Variants in CSK observed in about 807,000 individuals in gnomAD.
CSK encodes the protein C-terminal Src kinase, also known as tyrosine-protein kinase CSK.
In CSK, 7 loss-of-function variants were observed where a neutral mutation model predicts 62.3. The ratio of observed to expected loss-of-function variants is 0.11; its 90% CI spans 0.06 to 0.21. The LOEUF is 0.21. CSK is among the 10% of genes least tolerant of loss of function. The probability of loss-of-function intolerance (pLI) is 1.00; values close to 1 mark genes in which losing one functional copy is unlikely to be tolerated. For missense variants in CSK, 294 were observed against 613.5 expected, an observed-to-expected ratio of 0.48 and a Z score of 5.50; for synonymous variants, 237 against 246.0, an observed-to-expected ratio of 0.96 and a Z score of 0.34.
rs1232728038 is a variant in CSK, at chr15:74,786,000, C to CTTTTTTTTTTTTTTTT, written c.-66+3281_-66+3282insTTTTTTTTTTTTTTTT. Among the ~76,000 whole-genome samples, 63 of 59,912 alleles carry CTTTTTTTTTTTTTTTT rather than the reference C, an allele frequency of 1.1e-3. 13 individuals are homozygous for CTTTTTTTTTTTTTTTT. The highest frequency in any genetic ancestry group is 1.9e-3 in the South Asian group (3 of 1,566). 39.3% of individuals were successfully genotyped at this position (59,912 alleles called of 152,430 possible). Reference sequence around the variant, plus strand: ...CAAGGCCTCTTCTCTCTCTCTCTCTCTCTTTTTTTTTTTTGTGTGTGTGTG... The same window carrying CTTTTTTTTTTTTTTTT: ...CAAGGCCTCTTCTCTCTCTCTCTCTCTTTTTTTTTTTTTTTTTCTTTTTTTTTTTTGTGTGTGTGTG... On this transcript the variant is annotated intron_variant, in intron 1 of 12. Coordinates refer to ENST00000220003, the MANE Select transcript of CSK (RefSeq NM_004383.3).
chr15:74,794,761 A>C (rs1485552143), intron 1 of CSK, among the ~76,000 whole-genome samples: 1 of 152,100 alleles, frequency 6.6e-6, no homozygotes, highest in Admixed American at 6.5e-5. Flanking sequence ...CCCAGGCCTG[A>C]CTATAGAGCC....
In CSK at chr15:74,800,356, G is replaced by A. The variant is rs577269583; in HGVS notation, c.463-56G>A. The stretch of plus-strand genomic sequence containing the variant: ...GCCCTCTGGTGGTCAGGCCTGGACG[G>A]TGCATATGGGGCACCTTGGGCTGTC... On this transcript the variant is annotated intron_variant, in intron 5 of 12. Transcript: ENST00000220003. The A allele has an allele frequency of 2.1e-4, 325 of 1,516,928 alleles. 2 individuals are homozygous for A. The highest frequency in any genetic ancestry group is 1.6e-3 in the East Asian group (68 of 43,512). 94.0% of individuals were successfully genotyped at this position (1,516,928 alleles called of 1,614,324 possible). A position where few individuals can be genotyped will look rare whatever the true frequency, so the allele number is the denominator to read the frequency against.
intron 1 of CSK, among the ~76,000 whole-genome samples, chr15:74,788,316 C>T (rs1431926107): frequency 6.6e-6 from 1 of 152,100 alleles, no homozygotes; most frequent in African/African-American, 2.4e-5. Context: ...CCCCTCGGTG[C>T]CCCCCACCTG....
Position 74,802,421 on chromosome 15 carries a change from A to G in CSK, c.1261A>G (p.Asn421Asp). Residue 421 changes from asparagine (N) to aspartate (D), a missense_variant, in exon 13 of 13, where the codon AAC becomes GAC. Coordinates refer to ENST00000220003, the MANE Select transcript of CSK (RefSeq NM_004383.3). ...GCCCGCAGTCTATGAAGTCATGAAG[A>G]ACTGCTGGCACCTGGACGCCGCCAT... ...CPPAVYEVMK[N>D]CWHLDAAMRP... is the part of the protein sequence containing the mutation. 6.2e-7 allele frequency: 1 copy of G among 1,613,038 alleles called. No homozygotes were observed. Among genetic ancestry groups the G allele is most frequent in the Non-Finnish European group, 8.5e-7 (1 of 1,179,842 alleles).
rs34499151 is a variant in CSK at position 74,800,665 on chromosome 15, T to C, written c.557-16T>C. 4,252 of 1,541,816 alleles carry C rather than the reference T, an allele frequency of 2.8e-3. 105 individuals are homozygous for C. The African/African-American group carries it at 0.049, about 18-fold the overall frequency. On this transcript the variant is annotated splice_polypyrimidine_tract_variant and intron_variant, in intron 6 of 12. Transcript: ENST00000220003. ...TCCCTAGTGGCCTCCAGGCCCTCACTGGCCCCTCCCCACAGGCGGCTGGGC... is the reference window on the plus strand; with the variant it reads ...TCCCTAGTGGCCTCCAGGCCCTCACCGGCCCCTCCCCACAGGCGGCTGGGC...
Position 74,801,000 on chromosome 15 carries a change from G to C in CSK, c.723-12G>C. ...CAGCTTCCCCTTTCTGACCACTCTC[G>C]TCCTGCCCCAGGCAACTGCGGCATA... On this transcript the variant is annotated splice_polypyrimidine_tract_variant and intron_variant, in intron 8 of 12. Transcript: ENST00000220003. 6.2e-7 allele frequency: 1 copy of C among 1,613,118 alleles called. No homozygotes were observed. Among genetic ancestry groups the C allele is most frequent in the South Asian group, 1.1e-5 (1 of 91,088 alleles).
At position 74,802,414 on chromosome 15, in the gene CSK, C is replaced by T. The variant is rs774470342; in HGVS notation, c.1254C>T (p.Val418=). The change falls in exon 13 of 13, where the codon GTC becomes GTT. Residue 418 remains valine (V), a synonymous_variant. Transcript: ENST00000220003. ...GCTGCCCGCCCGCAGTCTATGAAGTCATGAAGAACTGCTGGCACCTGGACG... is the reference window on the plus strand; with the variant it reads ...GCTGCCCGCCCGCAGTCTATGAAGTTATGAAGAACTGCTGGCACCTGGACG... ...PDGCPPAVYE[V]MKNCWHLDAA... 8 of 1,613,006 alleles carry T rather than the reference C, an allele frequency of 5.0e-6. No individual in the cohort carries two copies. The East Asian group carries it at 6.7e-5, about 13-fold the overall frequency.
Position 74,786,016 on chromosome 15 carries a change from TG to T in CSK, c.-66+3297del, listed in dbSNP as rs1364890704. On this transcript the variant is annotated intron_variant, in intron 1 of 12. Coordinates refer to ENST00000220003, the MANE Select transcript of CSK (RefSeq NM_004383.3). The stretch of plus-strand genomic sequence containing the variant: ...TCTCTCTCTCTCTTTTTTTTTTTTG[TG>T]TGTGTGTGTGTGTGTGTGTGTGTGT... 4.7e-4 allele frequency among the ~76,000 whole-genome samples: 59 copies of T among 124,346 alleles called. 1 individual carries two copies. Among genetic ancestry groups the T allele is most frequent in the South Asian group, 1.4e-3 (5 of 3,464 alleles). 81.6% of individuals were successfully genotyped at this position (124,346 alleles called of 152,430 possible).
chr15:74,801,353 G>A (rs1329288668), intron 9 of CSK, among the ~76,000 whole-genome samples, 169 bp from the exon 10 acceptor site: 10 of 152,184 alleles, frequency 6.6e-5, no homozygotes, highest in Admixed American at 6.5e-4. Flanking sequence ...CAAGGGATAA[G>A]GCATGAATAA....
In CSK at chr15:74,798,672, G is replaced by C. The variant is rs572429345; in HGVS notation, c.73G>C (p.Glu25Gln). The change falls in exon 3 of 13, where the codon GAG becomes CAG. Residue 25 changes from glutamate to glutamine, a missense_variant. This residue lies in a region of CSK where 202 missense variants were observed against 415.7 expected (regional missense o/e 0.49). Coordinates refer to ENST00000220003, the MANE Select transcript of CSK (RefSeq NM_004383.3). The surrounding 1 kb of genome is among the most constrained non-coding windows in gnomAD (Gnocchi z 6.6). ...IAKYNFHGTA[E>Q]QDLPFCKGDV... Reference sequence around the variant, plus strand: ...CAAGTACAACTTCCACGGCACTGCCGAGCAGGACCTGCCCTTCTGCAAAGG... The same window carrying C: ...CAAGTACAACTTCCACGGCACTGCCCAGCAGGACCTGCCCTTCTGCAAAGG... The C allele has an allele frequency of 1.2e-6, 2 of 1,613,734 alleles. No homozygotes were observed. The highest frequency in any genetic ancestry group is 8.5e-7 in the Non-Finnish European group (1 of 1,180,040).
In CSK at chr15:74,786,000, C is replaced by CTTTTTTT. The variant is rs1232728038; in HGVS notation, c.-66+3281_-66+3282insTTTTTTT. Among the ~76,000 whole-genome samples, 121 of 59,924 alleles carry CTTTTTTT rather than the reference C, an allele frequency of 2.0e-3. 4 individuals are homozygous for CTTTTTTT. Among genetic ancestry groups the CTTTTTTT allele is most frequent in the South Asian group, 7.7e-3 (12 of 1,562 alleles). 39.3% of individuals were successfully genotyped at this position (59,924 alleles called of 152,430 possible). On this transcript the variant is annotated intron_variant, in intron 1 of 12. Coordinates refer to ENST00000220003, the MANE Select transcript of CSK (RefSeq NM_004383.3). ...CAAGGCCTCTTCTCTCTCTCTCTCTCTCTTTTTTTTTTTTGTGTGTGTGTG... is the reference window on the plus strand; with the variant it reads ...CAAGGCCTCTTCTCTCTCTCTCTCTCTTTTTTTTCTTTTTTTTTTTTGTGTGTGTGTG...
Position 74,802,019 on chromosome 15 carries a change from T to C in CSK, c.1106T>C (p.Val369Ala). 1 of 1,614,078 alleles carries C rather than the reference T, an allele frequency of 6.2e-7. No individual in the cohort carries two copies. The highest frequency in any genetic ancestry group is 8.5e-7 in the Non-Finnish European group (1 of 1,179,976). ...CAGAAATTCTCCACTAAGTCTGACG[T>C]GTGGAGTTTCGGAATCCTTCTCTGG... ...REKKFSTKSD[V>A]WSFGILLWEI... The change falls in exon 12 of 13, where the codon GTG (valine) becomes GCG (alanine). Residue 369 changes from valine to alanine, a missense_variant. Val to Ala is a moderately conservative substitution (Grantham distance 64). This residue lies in a region of CSK where 26 missense variants were observed against 98.4 expected (regional missense o/e 0.26). Transcript: ENST00000220003.
At chr15:74,792,282 C>G (rs543663383) in intron 1 of CSK, among the ~76,000 whole-genome samples, 2 of 152,204 alleles carry the variant, frequency 1.3e-5, no homozygotes, top group East Asian at 3.9e-4. Flanking sequence ...AGCTGCACCC[C>G]CAAGGTTGAG....
intron 1 of CSK, among the ~76,000 whole-genome samples, chr15:74,796,476 A>G (rs1416236505): frequency 6.6e-6 from 1 of 151,818 alleles, no homozygotes; most frequent in Admixed American, 6.6e-5. Flanking sequence ...TGCCTGTGGT[A>G]ATCGCTACTT....
At position 74,784,720 on chromosome 15, in the gene CSK, T is replaced by C. The variant is rs35330354; in HGVS notation, c.-66+2000T>C. On this transcript the variant is annotated intron_variant, in intron 1 of 12. Coordinates refer to ENST00000220003, the MANE Select transcript of CSK (RefSeq NM_004383.3). ...GAATGCAGCTTCCTCCAAACAAGTATAGGTAGGGGTTGAGACCCAGGATCC... is the reference window on the plus strand; with the variant it reads ...GAATGCAGCTTCCTCCAAACAAGTACAGGTAGGGGTTGAGACCCAGGATCC... Among the ~76,000 whole-genome samples, 1,377 of 152,214 alleles carry C rather than the reference T, an allele frequency of 9.0e-3. 15 individuals carry two copies. The highest frequency in any genetic ancestry group is 0.016 in the Non-Finnish European group (1,057 of 68,002).
chr15:74,788,400 A>G (rs1596367685), intron 1 of CSK: 1 of 152,130 alleles, frequency 6.6e-6, no homozygotes, highest in East Asian at 1.9e-4. Context: ...GGTTCAGACA[A>G]CTCTGAGCTC....
intron 1 of CSK, among the ~76,000 whole-genome samples, chr15:74,797,681 C>T (rs1420128314): frequency 1.3e-5 from 2 of 151,780 alleles, no homozygotes; most frequent in African/African-American, 4.8e-5. Flanking sequence ...GGGCAGCTCC[C>T]AGTTTGAGGT....
At chr15:74,789,837 C>A (rs928981371) in intron 1 of CSK, among the ~76,000 whole-genome samples, 1 of 152,202 alleles carries the variant, frequency 6.6e-6, no homozygotes, top group Non-Finnish European at 1.5e-5. Context: ...ACTGAACATA[C>A]CAGGCCATGG....
rs747962238 is a variant in CSK, at chr15:74,798,776, C to G, written c.129+48C>G. The G allele has an allele frequency of 5.4e-5, 87 of 1,607,214 alleles. No homozygotes were observed. Among genetic ancestry groups the G allele is most frequent in the Non-Finnish European group, 6.9e-5 (81 of 1,175,398 alleles). ...ACCATCCCACTGCTGGGCCTTCCCT[C>G]TGCAGGGGGAGGTGGGCCTGAGAGC... On this transcript the variant is annotated intron_variant, in intron 3 of 12. Coordinates refer to ENST00000220003, the MANE Select transcript of CSK (RefSeq NM_004383.3). The surrounding 1 kb of genome is among the most constrained non-coding windows in gnomAD (Gnocchi z 6.6).
Sources: allele counts gnomAD v4.1 joint callset (sites outside exome capture counted in the v4.1 genomes callset), GRCh38; gene constraint gnomAD v4.1.1; regional missense constraint gnomAD v4.1.1; non-coding constraint Gnocchi (gnomAD v3.1); transcripts MANE v1.5; gene names NCBI Gene and HGNC (gene_info 2026-07-23, HGNC 2026-07-21).